The following GPC5 variants were observed in gnomAD, a reference collection of about 807,000 sequenced individuals.
The protein encoded by GPC5 is glypican-5.
Under a neutral mutation model 53.9 loss-of-function variants are expected in GPC5, and 47 were observed. The ratio of observed to expected loss-of-function variants is 0.87; its 90% confidence interval spans 0.69 to 1.11. GPC5 has a LOEUF of 1.11. GPC5 is among the 50% of genes most tolerant of loss of function. GPC5 has a pLI of 0.00. For missense variants in GPC5, 748 were observed against 713.1 expected (o/e 1.05, Z -0.56); for synonymous variants, 286 against 263.3 (o/e 1.09, Z -0.84).
intron 7 of GPC5, among the ~76,000 whole-genome samples, chr13:92,685,595 G>C (rs1323307478): frequency 1.1e-5 from 1 of 90,676 alleles, no homozygotes; most frequent in Non-Finnish European, 2.0e-5. Context: ...AAGTTTTAGG[G>C]TACATGTGCA....
rs933858309 is a variant in GPC5, at chr13:91,398,853, C to T, written c.-194C>T. On this transcript the variant is annotated 5_prime_UTR_variant, in exon 1 of 8. Transcript: ENST00000377067. ...GCTCAGCTGGAAAACTCTGGTGTCT[C>T]AGCTTAGGGCCTCCTCCGGGAAGAG... is the stretch of plus-strand genomic sequence containing the variant. 4 of 578,590 alleles carry T rather than the reference C, an allele frequency of 6.9e-6. No individual in the cohort carries two copies. Among genetic ancestry groups the T allele is most frequent in the Non-Finnish European group, 1.2e-5 (4 of 342,526 alleles). 35.8% of individuals were successfully genotyped at this position (578,590 alleles called of 1,614,324 possible). A position where few individuals can be genotyped will look rare whatever the true frequency, so the allele number is the denominator to read the frequency against.
chr13:92,651,688 G>T (rs1379560813), intron 7 of GPC5, among the ~76,000 whole-genome samples: 2 of 152,110 alleles, frequency 1.3e-5, no homozygotes, highest in Non-Finnish European at 2.9e-5. Context: ...TTCATTAATT[G>T]TAAAGAATGT....
At position 91,849,001 on chromosome 13, in the gene GPC5, A is replaced by G. The variant is rs867380202; in HGVS notation, c.1281-58936A>G. 4.3e-4 allele frequency among the ~76,000 whole-genome samples: 66 copies of G among 152,324 alleles called. 1 individual carries two copies. The highest frequency in any genetic ancestry group is 2.5e-3 in the South Asian group (12 of 4,830). ...AATGCTTAAATGTGAACTATTTTTT[A>G]GAGGTGAGAGGGCAGATCGACAACT... On this transcript the variant is annotated intron_variant, in intron 5 of 7. Coordinates refer to ENST00000377067, the MANE Select transcript of GPC5 (RefSeq NM_004466.6).
intron 7 of GPC5, among the ~76,000 whole-genome samples, chr13:92,307,621 C>T (rs192615021): frequency 6.6e-6 from 1 of 152,296 alleles, no homozygotes; most frequent in Non-Finnish European, 1.5e-5. Flanking sequence ...AAAGGAATTT[C>T]CTCCCCCTAG....
At chr13:92,859,957 A>G (rs1282809671) in intron 7 of GPC5, among the ~76,000 whole-genome samples, 3 of 152,204 alleles carry the variant, frequency 2.0e-5, no homozygotes, top group Non-Finnish European at 2.9e-5. Context: ...TCATCTTTAA[A>G]CTTCAATCCA....
At chr13:91,532,763 G>C (rs1886408739) in intron 2 of GPC5, among the ~76,000 whole-genome samples, 1 of 152,096 alleles carries the variant, frequency 6.6e-6, no homozygotes, top group South Asian at 2.1e-4. Flanking sequence ...CTACTCGGGA[G>C]GCTGACGTGG....
At chr13:92,646,156 A>G (rs1885758606) in intron 7 of GPC5, among the ~76,000 whole-genome samples, 1 of 152,126 alleles carries the variant, frequency 6.6e-6, no homozygotes, top group East Asian at 1.9e-4. Context: ...CTAGAGTTGT[A>G]CATGTTACAT....
intron 2 of GPC5, among the ~76,000 whole-genome samples, chr13:91,688,169 CTAGAG>C (rs1229644380): frequency 6.6e-5 from 10 of 152,084 alleles, no homozygotes; most frequent in African/African-American, 1.9e-4. Flanking sequence ...AAACAAGTAG[CTAGAG>C]TAAATTCAAT....
intron 2 of GPC5, among the ~76,000 whole-genome samples, chr13:91,607,976 G>T (rs951927454): frequency 1.3e-5 from 2 of 152,126 alleles, no homozygotes; most frequent in African/African-American, 2.4e-5. Context: ...GCTGCTTTTA[G>T]TTCAACAAGC....
At position 91,728,523 on chromosome 13, in the gene GPC5, A is replaced by T. The variant is rs200150724; in HGVS notation, c.1021-9A>T. On this transcript the variant is annotated splice_polypyrimidine_tract_variant and intron_variant, in intron 3 of 7. Coordinates refer to ENST00000377067, the MANE Select transcript of GPC5 (RefSeq NM_004466.6). ...TTCTAACTACCTTTTAATGTTTTCT[A>T]TTTAAAAGGTAAATAGGATTTGTGG... is the stretch of plus-strand genomic sequence containing the variant. 14 of 1,605,834 alleles carry T rather than the reference A, an allele frequency of 8.7e-6. No individual in the cohort carries two copies. Among genetic ancestry groups the T allele is most frequent in the Non-Finnish European group, 1.1e-5 (13 of 1,176,132 alleles).
At chr13:92,568,448 T>C (rs1204572036) in intron 7 of GPC5, among the ~76,000 whole-genome samples, 1 of 152,224 alleles carries the variant, frequency 6.6e-6, no homozygotes, top group Non-Finnish European at 1.5e-5. Context: ...ATTTATCCAC[T>C]GTCAGTATAT....
At chr13:92,022,912 G>A (rs905782986) in intron 6 of GPC5, among the ~76,000 whole-genome samples, 4 of 151,928 alleles carry the variant, frequency 2.6e-5, no homozygotes, top group Non-Finnish European at 4.4e-5. Flanking sequence ...AAAGAGGAAT[G>A]CTCTGTTTCA....
intron 7 of GPC5, among the ~76,000 whole-genome samples, chr13:92,751,894 A>G (rs1033008923): frequency 1.3e-5 from 2 of 152,196 alleles, no homozygotes; most frequent in Non-Finnish European, 2.9e-5. Context: ...TATTGCCTCA[A>G]GATGGTTACA....
At chr13:91,609,782 C>G (rs568810555) in intron 2 of GPC5, among the ~76,000 whole-genome samples, 23 of 152,284 alleles carry the variant, frequency 1.5e-4, no homozygotes, top group Middle Eastern at 6.8e-3. Flanking sequence ...CCAGAGTAAA[C>G]TTTGCTCACT....
rs140920736 is a variant in GPC5, at chr13:92,201,180, A to G, written c.1561+56191A>G. ...TTATTCTGTAAAAGTCTGAGATGCC[A>G]TTATTTATGCCTTTCACTCTTGAAG... is the stretch of plus-strand genomic sequence containing the variant. On this transcript the variant is annotated intron_variant, in intron 7 of 7. Transcript: ENST00000377067. 1.6e-4 allele frequency among the ~76,000 whole-genome samples: 24 copies of G among 152,304 alleles called. No homozygotes were observed. In the East Asian group the frequency reaches 4.4e-3, roughly 28 times the overall value.
At chr13:91,648,533 C>T (rs997646766) in intron 2 of GPC5, among the ~76,000 whole-genome samples, 16 of 151,888 alleles carry the variant, frequency 1.1e-4, no homozygotes, top group African/African-American at 3.9e-4. Context: ...TTTCAGATTA[C>T]TTTTATTATT....
chr13:91,680,112 A>T (rs192029273), intron 2 of GPC5, among the ~76,000 whole-genome samples: 2 of 152,190 alleles, frequency 1.3e-5, no homozygotes, highest in Non-Finnish European at 1.5e-5. Flanking sequence ...GGAAATTTAG[A>T]AAACTTACAT....
Position 91,730,848 on chromosome 13 carries a change from A to C in GPC5, c.1154+2183A>C, listed in dbSNP as rs78860114. Among the ~76,000 whole-genome samples the C allele has an allele frequency of 1.8e-4, 27 of 152,340 alleles. No homozygotes were observed. In the East Asian group the frequency reaches 3.1e-3, roughly 17 times the overall value. On this transcript the variant is annotated intron_variant, in intron 4 of 7. Coordinates refer to ENST00000377067, the MANE Select transcript of GPC5 (RefSeq NM_004466.6). ...CTGAGTTTTAGGTTATCTTAGGTGCAGAAATTTTCCTTTTATATAAGAAGA... is the reference window on the plus strand; with the variant it reads ...CTGAGTTTTAGGTTATCTTAGGTGCCGAAATTTTCCTTTTATATAAGAAGA...
chr13:92,640,213 G>C (rs1389659045), intron 7 of GPC5, among the ~76,000 whole-genome samples: 1 of 151,852 alleles, frequency 6.6e-6, no homozygotes, highest in Admixed American at 6.6e-5. Context: ...CAAAAAAGAA[G>C]CACTAATACC....
Sources: allele counts gnomAD v4.1 joint callset (sites outside exome capture counted in the v4.1 genomes callset), GRCh38; gene constraint gnomAD v4.1.1; transcripts MANE v1.5; gene names NCBI Gene and HGNC (gene_info 2026-07-23, HGNC 2026-07-21).